Variants in IL2RB observed in about 807,000 individuals in gnomAD.
The protein encoded by IL2RB is interleukin-2 receptor subunit beta.
In IL2RB, 17 loss-of-function variants were observed where a neutral mutation model predicts 44.2. The observed-to-expected ratio is 0.38, with a 90% CI of 0.26 to 0.58. IL2RB has a LOEUF of 0.58. Ranked by LOEUF, IL2RB falls within the 20% of genes least tolerant of loss-of-function variation. IL2RB has a pLI of 0.63. For missense variants in IL2RB, 624 were observed against 685.5 expected (o/e 0.91, Z 1.00); for synonymous variants, 286 against 297.9 (o/e 0.96, Z 0.41).
Position 37,126,849 on chromosome 22 carries a change from G to C in IL2RB, c.*1247C>G, listed in dbSNP as rs555431373. The C allele has an allele frequency of 2.6e-5, 4 of 152,380 alleles. No homozygotes were observed. The highest frequency in any genetic ancestry group is 2.6e-4 in the Admixed American group (4 of 15,290). The allele number at this position is 152,380 out of a possible 1,614,324, so 9.4% of individuals were successfully genotyped here. ...AATGGGCACGGGACTCTGCCTCTCT[G>C]TGTGAATGTCAGGCGCAGGGAGCCC... On this transcript the variant is annotated 3_prime_UTR_variant, in exon 10 of 10. Transcript: ENST00000216223.
rs1325712489 is a variant in IL2RB at position 37,137,533 on chromosome 22, GA to G, written c.537+53del. ...CACAATGAAAAAGGGACAGGACATGGACCAGGACAGGAAGGAGGAACCAAGG... is the reference window on the plus strand; with the variant it reads ...CACAATGAAAAAGGGACAGGACATGGCCAGGACAGGAAGGAGGAACCAAGG... On this transcript the variant is annotated intron_variant, in intron 6 of 9. Transcript: ENST00000216223. 11 of 1,588,694 alleles carry G rather than the reference GA, an allele frequency of 6.9e-6. No individual in the cohort carries two copies. In the Admixed American group the frequency reaches 1.5e-4, roughly 22 times the overall value.
chr22:37,146,209 C>T (rs749212995), intron 1 of IL2RB, among the ~76,000 whole-genome samples: 37 of 152,280 alleles, frequency 2.4e-4, no homozygotes, highest in Non-Finnish European at 4.0e-4. Context: ...AGCCTCGTGC[C>T]GTTCCAGCCC....
chr22:37,152,958 AT>A (rs1922553519), upstream of IL2RB, among the ~76,000 whole-genome samples: 1 of 107,052 alleles, frequency 9.3e-6, no homozygotes, highest in Non-Finnish European at 1.8e-5. Context: ...TTTTTGAGAC[AT>A]AGTCTAGCTC....
In IL2RB at chr22:37,147,041, C is replaced by T. The variant is rs192520891; in HGVS notation, c.-34+2784G>A. On this transcript the variant is annotated intron_variant, in intron 1 of 9. Transcript: ENST00000216223. ...TCTACATTTGAGAACACTGAGGTCC[C>T]GAAGTGGGAAAGACTTGCTGAAGGT... Among the ~76,000 whole-genome samples the T allele has an allele frequency of 3.1e-4, 47 of 152,266 alleles. 1 individual carries two copies. Among genetic ancestry groups the T allele is most frequent in the Middle Eastern group, 3.4e-3 (1 of 294 alleles).
chr22:37,145,655 G>A (rs1373960793), intron 1 of IL2RB, among the ~76,000 whole-genome samples: 3 of 152,004 alleles, frequency 2.0e-5, no homozygotes, highest in African/African-American at 7.2e-5. Context: ...AGCAGGCAAA[G>A]GGGGAGGCAG....
chr22:37,163,687 G>T (rs977986839), intron 1 of IL2RB, among the ~76,000 whole-genome samples: 4 of 152,330 alleles, frequency 2.6e-5, no homozygotes, highest in Non-Finnish European at 1.5e-5. Flanking sequence ...CCCCCCATTC[G>T]GGGGAAAGCC....
chr22:37,165,191 A>G (rs945502842), intron 1 of IL2RB, among the ~76,000 whole-genome samples: 2 of 152,230 alleles, frequency 1.3e-5, no homozygotes, highest in African/African-American at 4.8e-5. Context: ...CAGAGATGGG[A>G]TGTGGGCCTG....
intron 9 of IL2RB, among the ~76,000 whole-genome samples, chr22:37,129,309 A>G (rs1177907862): frequency 4.6e-5 from 7 of 152,238 alleles, no homozygotes; most frequent in Non-Finnish European, 1.0e-4. Flanking sequence ...AGATGCCCAG[A>G]GACGGGACAT....
rs1324665470 is a variant in IL2RB, at chr22:37,127,603, A to G, written c.*493T>C. ...GAGAAGTGGGGCTGAGGGCAGTGGGACCTGTGCAAGGTTTTGAACCGAGGG... is the reference window on the plus strand; with the variant it reads ...GAGAAGTGGGGCTGAGGGCAGTGGGGCCTGTGCAAGGTTTTGAACCGAGGG... On this transcript the variant is annotated 3_prime_UTR_variant, in exon 10 of 10. Transcript: ENST00000216223. 1 of 152,562 alleles carries G rather than the reference A, an allele frequency of 6.6e-6. No individual in the cohort carries two copies. Among genetic ancestry groups the G allele is most frequent in the Non-Finnish European group, 1.5e-5 (1 of 68,370 alleles). The allele number at this position is 152,562 out of a possible 1,614,324, so 9.5% of individuals were successfully genotyped here. A position where few individuals can be genotyped will look rare whatever the true frequency, so the allele number is the denominator to read the frequency against.
Position 37,136,302 on chromosome 22 carries a change from A to T in IL2RB, c.629T>A (p.Val210Asp). 18 of 1,612,782 alleles carry T rather than the reference A, an allele frequency of 1.1e-5. No homozygotes were observed. The highest frequency in any genetic ancestry group is 1.5e-5 in the Non-Finnish European group (18 of 1,179,648). The change falls in exon 7 of 10, where the codon GTC (valine) becomes GAC (aspartate). Residue 210 changes from valine (V) to aspartate (D), a missense_variant. Val to Asp is a radical substitution (Grantham distance 152, BLOSUM62 -3). Transcript: ENST00000216223. ...CGTGAACTCGCCTTGCAGAGGCTTG[A>T]CCCGCACCTGAAACTCATACTGGGT... The part of the protein sequence containing the change: ...PDTQYEFQVR[V>D]KPLQGEFTTW...
At chr22:37,158,617 G>A (rs1234020189) in intron 1 of IL2RB, among the ~76,000 whole-genome samples, 4 of 152,302 alleles carry the variant, frequency 2.6e-5, no homozygotes, top group Non-Finnish European at 4.4e-5. Context: ...CAGGATGTAC[G>A]GAGAAGAGAC....
rs558411046 is a variant in IL2RB, at chr22:37,141,734, G to A, written c.282+700C>T. On this transcript the variant is annotated intron_variant, in intron 4 of 9. Transcript: ENST00000216223. The surrounding 1 kb of genome is among the most constrained non-coding windows in gnomAD (Gnocchi z 4.4). ...CTGACTCACTGGCCCCAGCTGCCTC[G>A]GCCCCCTCTGGACTTTAGGCACCAA... Among the ~76,000 whole-genome samples the A allele has an allele frequency of 2.6e-5, 4 of 152,258 alleles. No homozygotes were observed. The South Asian group carries it at 6.2e-4, about 24-fold the overall frequency.
chr22:37,158,205 A>G (rs1331872922), intron 1 of IL2RB, among the ~76,000 whole-genome samples: 1 of 152,166 alleles, frequency 6.6e-6, no homozygotes, highest in Non-Finnish European at 1.5e-5. Context: ...ACAGGTGATG[A>G]GCAAATTAGG....
At chr22:37,154,022 G>A (rs932212620), upstream of IL2RB, among the ~76,000 whole-genome samples, 9 of 152,154 alleles carry the variant, frequency 5.9e-5, no homozygotes, top group African/African-American at 2.2e-4. Context: ...GAGCACCCCA[G>A]ATGCCCCAAA....
intron 1 of IL2RB, among the ~76,000 whole-genome samples, chr22:37,171,394 C>T (rs1003075509): frequency 4.6e-5 from 7 of 152,134 alleles, no homozygotes; most frequent in African/African-American, 7.2e-5. Flanking sequence ...GCCCTTGTGA[C>T]GCTTACAGTC....
chr22:37,173,034 G>A (rs117445308), intron 1 of IL2RB, among the ~76,000 whole-genome samples: 2,185 of 152,258 alleles, frequency 0.014, 152 homozygotes, highest in Admixed American at 0.12. Flanking sequence ...GGACAAGATC[G>A]AATATCCCAG....
Position 37,141,265 on chromosome 22 carries a change from G to A in IL2RB, c.282+1169C>T, listed in dbSNP as rs554200998. Among the ~76,000 whole-genome samples the A allele has an allele frequency of 6.6e-6, 1 of 152,068 alleles. No individual in the cohort carries two copies. The highest frequency in any genetic ancestry group is 1.5e-5 in the Non-Finnish European group (1 of 67,928). On this transcript the variant is annotated intron_variant, in intron 4 of 9. Coordinates refer to ENST00000216223, the MANE Select transcript of IL2RB (RefSeq NM_000878.5). This position sits in a 1 kb window ranked among gnomAD's most constrained non-coding sequence, Gnocchi z 4.4. Reference sequence around the variant, plus strand: ...CCCAAGCCTCCAGGTGATCTTGCAAGCAGGGAGCACGCAGGAGACCCACCC... The same window carrying A: ...CCCAAGCCTCCAGGTGATCTTGCAAACAGGGAGCACGCAGGAGACCCACCC...
At chr22:37,156,350 G>A (rs965287508) in intron 1 of IL2RB, among the ~76,000 whole-genome samples, 4 of 152,216 alleles carry the variant, frequency 2.6e-5, no homozygotes, top group African/African-American at 9.6e-5. Flanking sequence ...TGTGTCCAAA[G>A]AGAACAGAAG....
intron 9 of IL2RB, among the ~76,000 whole-genome samples, chr22:37,131,327 C>T (rs545918887): frequency 4.6e-5 from 7 of 152,266 alleles, no homozygotes; most frequent in Non-Finnish European, 8.8e-5. Context: ...TTTCCTCCTC[C>T]GCCACTCTTC....
Sources: gnomAD v4.1 joint callset for allele counts (sites outside exome capture counted in the v4.1 genomes callset) on GRCh38, gnomAD v4.1.1 for gene constraint, Gnocchi (gnomAD v3.1) non-coding constraint, MANE v1.5 for transcripts, NCBI Gene and HGNC (gene_info 2026-07-23, HGNC 2026-07-21) for gene names.